Variants in DIP2C observed in about 807,000 individuals in gnomAD.
DIP2C encodes DIP2 acetate--CoA ligase C (putative), also known as disco-interacting protein 2 homolog C.
DIP2C carries 33 observed loss-of-function variants against 192.4 expected under a neutral mutation model. That is an observed-to-expected ratio of 0.17 (90% confidence interval 0.13 to 0.23). DIP2C has a LOEUF of 0.23. Among genes scored for constraint, DIP2C ranks in the 10% least tolerant of loss-of-function variants. The probability of loss-of-function intolerance (pLI) is 1.00; values close to 1 mark genes in which losing one functional copy is unlikely to be tolerated. For missense variants in DIP2C, 1,537 were observed against 2,110.1 expected, an observed-to-expected ratio of 0.73 and a Z score of 5.32; for synonymous variants, 979 against 864.1, an observed-to-expected ratio of 1.13 and a Z score of -2.33.
chr10:464,804 C>A (rs1221281244), intron 3 of DIP2C, among the ~76,000 whole-genome samples: 4 of 152,040 alleles, frequency 2.6e-5, no homozygotes, highest in African/African-American at 9.7e-5. Flanking sequence ...GGATACATTC[C>A]TCGACACATA....
Position 349,374 on chromosome 10 carries a change from G to T in DIP2C, c.3066C>A (p.Gly1022=), listed in dbSNP as rs748768974. Reference sequence around the variant, plus strand: ...CCACGTGGTCGCCGTCCTGAAGGTGGCCCCTCTCCATCAGCATCACGGCGA... The same window carrying T: ...CCACGTGGTCGCCGTCCTGAAGGTGTCCCCTCTCCATCAGCATCACGGCGA... ...EKIAVMLMER[G]HLQDGDHVAL... The change falls in exon 25 of 37, where the codon GGC becomes GGA. Residue 1022 remains glycine, a synonymous_variant. Coordinates refer to ENST00000280886, the MANE Select transcript of DIP2C (RefSeq NM_014974.3). The T allele has an allele frequency of 6.8e-6, 11 of 1,610,818 alleles. No individual in the cohort carries two copies. Among genetic ancestry groups the T allele is most frequent in the Non-Finnish European group, 9.3e-6 (11 of 1,179,722 alleles).
rs775524483 is a variant in DIP2C at position 276,578 on chromosome 10, T to C, written c.*747A>G. 6.6e-6 allele frequency: 1 copy of C among 152,656 alleles called. No individual in the cohort carries two copies. Among genetic ancestry groups the C allele is most frequent in the Non-Finnish European group, 1.5e-5 (1 of 68,028 alleles). The allele number at this position is 152,656 out of a possible 1,614,324, so 9.5% of individuals were successfully genotyped here. A position where few individuals can be genotyped will look rare whatever the true frequency, so the allele number is the denominator to read the frequency against. On this transcript the variant is annotated 3_prime_UTR_variant, in exon 37 of 37. Transcript: ENST00000280886. ...TTTCTCTTTTATAGTTCTAAAGAGA[T>C]CAAAATAAATTAAACGTTTTGTACA...
intron 13 of DIP2C, among the ~76,000 whole-genome samples, chr10:388,573 C>T (rs1324402859): frequency 2.0e-5 from 3 of 147,932 alleles, no homozygotes; most frequent in Non-Finnish European, 4.4e-5. Context: ...AAAGAGCGAA[C>T]GTATCATTCC....
intron 1 of DIP2C, among the ~76,000 whole-genome samples, chr10:570,914 CCCT>C (rs1167110971): frequency 6.6e-6 from 1 of 152,260 alleles, no homozygotes; most frequent in Non-Finnish European, 1.5e-5. Context: ...AGCAGCATCC[CCCT>C]CCTCGCCAGG....
chr10:577,792 A>ATGTTT (rs1015112739), intron 1 of DIP2C, among the ~76,000 whole-genome samples: 1 of 151,712 alleles, frequency 6.6e-6, no homozygotes, highest in South Asian at 2.1e-4. Context: ...AAACCCAGAG[A>ATGTTT]TGTTTTGTTT....
intron 29 of DIP2C, among the ~76,000 whole-genome samples, chr10:339,800 T>C (rs895728636): frequency 2.0e-5 from 3 of 152,204 alleles, no homozygotes; most frequent in Non-Finnish European, 2.9e-5. Context: ...TTGTCCTAAT[T>C]AGAATATCGG....
intron 4 of DIP2C, among the ~76,000 whole-genome samples, chr10:428,508 G>A (rs1451928867): frequency 3.3e-5 from 5 of 152,164 alleles, no homozygotes; most frequent in Admixed American, 2.6e-4. Flanking sequence ...CTTCACAGAA[G>A]TCATGCATTG....
At chr10:612,598 T>A (rs1853170935) in intron 1 of DIP2C, among the ~76,000 whole-genome samples, 1 of 152,188 alleles carries the variant, frequency 6.6e-6, no homozygotes, top group South Asian at 2.1e-4. Context: ...CTGCATCTTA[T>A]ATTCCTCTAC....
At chr10:644,235 C>A (rs1855342834) in intron 1 of DIP2C, among the ~76,000 whole-genome samples, 1 of 152,204 alleles carries the variant, frequency 6.6e-6, no homozygotes, top group Non-Finnish European at 1.5e-5. Flanking sequence ...GTGGCCGGGC[C>A]CAAGAGTGGG....
At chr10:571,777 G>A (rs1168922481) in intron 1 of DIP2C, among the ~76,000 whole-genome samples, 1 of 152,190 alleles carries the variant, frequency 6.6e-6, no homozygotes, top group African/African-American at 2.4e-5. Context: ...CTGTGACCAG[G>A]GGTAGCAACA....
intron 3 of DIP2C, among the ~76,000 whole-genome samples, chr10:446,513 C>T (rs1053758519): frequency 6.6e-6 from 1 of 152,324 alleles, no homozygotes; most frequent in East Asian, 1.9e-4. Context: ...CTAAATAAGG[C>T]CCTGTGTCTT....
intron 1 of DIP2C, among the ~76,000 whole-genome samples, chr10:526,737 T>C (rs184758288): frequency 1.3e-5 from 2 of 152,198 alleles, no homozygotes; most frequent in Non-Finnish European, 2.9e-5. Context: ...CGGAAGGCAT[T>C]TGTGTCATGT....
intron 34 of DIP2C, among the ~76,000 whole-genome samples, chr10:285,297 T>TG (rs1564505501): frequency 6.6e-6 from 1 of 152,018 alleles, no homozygotes; most frequent in Admixed American, 6.6e-5. Context: ...CGTCCAGGGC[T>TG]GAGGAGGAGG....
chr10:309,935 C>G, intron 32 of DIP2C, 96 bp downstream of exon 32: 1 of 1,189,098 alleles, frequency 8.4e-7, no homozygotes, highest in Non-Finnish European at 1.2e-6. Context: ...AGATAAACAT[C>G]GTGTGCACCT....
intron 3 of DIP2C, among the ~76,000 whole-genome samples, chr10:456,598 CAG>C (rs916072726): frequency 6.6e-6 from 1 of 152,182 alleles, no homozygotes; most frequent in African/African-American, 2.4e-5. Flanking sequence ...GGAAAGAGGA[CAG>C]AGAAGAAAGC....
chr10:566,775 C>T (rs554163371), intron 1 of DIP2C, among the ~76,000 whole-genome samples: 5 of 152,288 alleles, frequency 3.3e-5, no homozygotes, highest in African/African-American at 4.8e-5. Context: ...TCAGGCCCAT[C>T]GGACAGACAG....
At chr10:309,981 G>A (rs1564536310) in intron 32 of DIP2C, 50 bp downstream of exon 32, 1 of 1,587,960 alleles carries the variant, frequency 6.3e-7, no homozygotes, top group East Asian at 2.2e-5. Flanking sequence ...CAAGGCCGCA[G>A]AACAAAACAA....
At chr10:582,929 G>C (rs1850759509) in intron 1 of DIP2C, among the ~76,000 whole-genome samples, 2 of 152,340 alleles carry the variant, frequency 1.3e-5, no homozygotes, top group Non-Finnish European at 2.9e-5. Flanking sequence ...AATTTCTGAT[G>C]TATATTCAAG....
intron 1 of DIP2C, among the ~76,000 whole-genome samples, chr10:590,843 G>A (rs552103970): frequency 6.6e-6 from 1 of 152,194 alleles, no homozygotes; most frequent in Non-Finnish European, 1.5e-5. Flanking sequence ...CAGAGCCTGC[G>A]AGGTGAAGGG....
Sources: gnomAD v4.1 joint callset for allele counts (sites outside exome capture counted in the v4.1 genomes callset) on GRCh38, gnomAD v4.1.1 for gene constraint, MANE v1.5 for transcripts, NCBI Gene and HGNC (gene_info 2026-07-23, HGNC 2026-07-21) for gene names.